The following KLHL18 variants were observed in gnomAD, a reference collection of about 807,000 sequenced individuals.
The protein encoded by KLHL18 is kelch-like protein 18.
In KLHL18, 38 loss-of-function variants were observed where a neutral mutation model predicts 58.5. The ratio of observed to expected loss-of-function variants is 0.65; its 90% confidence interval spans 0.50 to 0.85. KLHL18 has a LOEUF of 0.85. Among genes scored for constraint, KLHL18 ranks in the 40% least tolerant of loss-of-function variants. KLHL18 has a pLI of 0.00. For missense variants in KLHL18, 624 were observed against 778.4 expected, an observed-to-expected ratio of 0.80 and a Z score of 2.36; for synonymous variants, 303 against 301.9, an observed-to-expected ratio of 1.00 and a Z score of -0.04.
chr3:47,319,571 A>C (rs889188033), intron 1 of KLHL18, 82 bp from the exon 2 acceptor site: 49 of 1,486,992 alleles, frequency 3.3e-5, no homozygotes, highest in Admixed American at 1.7e-4. Context: ...AGCCGGGCGG[A>C]GGGGCAGGGT....
intron 1 of KLHL18, among the ~76,000 whole-genome samples, chr3:47,313,867 C>T (rs1703362520): frequency 6.6e-6 from 1 of 152,118 alleles, no homozygotes; most frequent in South Asian, 2.1e-4. Flanking sequence ...TACTTAACTT[C>T]CAAATCTTGG....
Position 47,319,680 on chromosome 3 carries a change from C to T in KLHL18, c.157C>T (p.Arg53Trp), listed in dbSNP as rs1703539303. The change falls in exon 2 of 10, where the codon CGG becomes TGG. Residue 53 changes from arginine to tryptophan, a missense_variant. Coordinates refer to ENST00000232766, the MANE Select transcript of KLHL18 (RefSeq NM_025010.5). ...KIGDHKFSAHRIVLAASIPYF... is the reference protein window; with the variant it reads ...KIGDHKFSAHWIVLAASIPYF... The stretch of plus-strand genomic sequence containing the variant: ...TGGGGACCACAAATTCAGTGCCCAC[C>T]GGATTGTCTTAGCAGCCTCGATCCC... The T allele has an allele frequency of 1.9e-6, 3 of 1,613,744 alleles. No homozygotes were observed. The highest frequency in any genetic ancestry group is 1.1e-5 in the South Asian group (1 of 91,066).
At position 47,344,751 on chromosome 3, in the gene KLHL18, C is replaced by G. The variant is rs923695615; in HGVS notation, c.*810C>G. The G allele has an allele frequency of 2.0e-5, 3 of 152,614 alleles. No individual in the cohort carries two copies. The highest frequency in any genetic ancestry group is 7.2e-5 in the African/African-American group (3 of 41,440). 9.5% of individuals were successfully genotyped at this position (152,614 alleles called of 1,614,324 possible). On this transcript the variant is annotated 3_prime_UTR_variant, in exon 10 of 10. Transcript: ENST00000232766. ...AATCTATGTTTAAATGGAAAATCGT[C>G]TAACTGGAGAAGGGCGGTATCCACC...
At chr3:47,305,694 T>G (rs1703130809) in intron 1 of KLHL18, among the ~76,000 whole-genome samples, 1 of 152,182 alleles carries the variant, frequency 6.6e-6, no homozygotes, top group African/African-American at 2.4e-5. Context: ...TAATTCTATT[T>G]TAAACATTTG....
At position 47,343,725 on chromosome 3, in the gene KLHL18, G is replaced by C. The variant is rs1215874076; in HGVS notation, c.1509G>C (p.Gln503His). 1 of 1,614,218 alleles carries C rather than the reference G, an allele frequency of 6.2e-7. No individual in the cohort carries two copies. Among genetic ancestry groups the C allele is most frequent in the South Asian group, 1.1e-5 (1 of 91,088 alleles). ...AGATGTACAGCTCTGTGGCAGACCA[G>C]TGGTGCCTGATTGTCCCCATGCACA... Reference protein sequence around the residue: ...IAEMYSSVADQWCLIVPMHTR... With the variant: ...IAEMYSSVADHWCLIVPMHTR... Residue 503 changes from glutamine to histidine, a missense_variant, in exon 10 of 10, where the codon CAG becomes CAC. Transcript: ENST00000232766.
At chr3:47,284,674 C>A (rs1702632238) in intron 1 of KLHL18, among the ~76,000 whole-genome samples, 1 of 152,160 alleles carries the variant, frequency 6.6e-6, no homozygotes, top group Non-Finnish European at 1.5e-5. Flanking sequence ...GGAAACTTTT[C>A]TTCTGCAACA....
chr3:47,292,684 T>C (rs1258676459), intron 1 of KLHL18, among the ~76,000 whole-genome samples: 1 of 151,968 alleles, frequency 6.6e-6, no homozygotes, highest in African/African-American at 2.4e-5. Context: ...GGCAGGCAGA[T>C]GGCATGAACC....
At chr3:47,316,217 C>G (rs1329595954) in intron 1 of KLHL18, among the ~76,000 whole-genome samples, 1 of 151,904 alleles carries the variant, frequency 6.6e-6, no homozygotes, top group Non-Finnish European at 1.5e-5. Flanking sequence ...TACCAAGATA[C>G]AATACTGTGA....
At chr3:47,291,631 C>T (rs773284776) in intron 1 of KLHL18, among the ~76,000 whole-genome samples, 9 of 152,168 alleles carry the variant, frequency 5.9e-5, no homozygotes, top group Admixed American at 1.3e-4. Context: ...GAGCTGAATC[C>T]GTTGCCTATA....
At chr3:47,313,993 A>G (rs1217065185) in intron 1 of KLHL18, among the ~76,000 whole-genome samples, 1 of 152,258 alleles carries the variant, frequency 6.6e-6, no homozygotes, top group Non-Finnish European at 1.5e-5. Context: ...GGCATACAAA[A>G]GGAGCTCAAT....
chr3:47,308,563 G>GT (rs1466856682), intron 1 of KLHL18, among the ~76,000 whole-genome samples: 4 of 152,172 alleles, frequency 2.6e-5, no homozygotes. Flanking sequence ...GCTAATTTTT[G>GT]TATTTTTAGT....
At chr3:47,324,771 A>G (rs1012302385) in intron 3 of KLHL18, among the ~76,000 whole-genome samples, 1 of 152,168 alleles carries the variant, frequency 6.6e-6, no homozygotes, top group Admixed American at 6.5e-5. Context: ...CAGGAGCCCA[A>G]GGCTGCAGTG....
rs1703114628 is a variant in KLHL18, at chr3:47,305,188, T to G, written c.130-14465T>G. Among the ~76,000 whole-genome samples the G allele has an allele frequency of 3.3e-5, 5 of 152,220 alleles. No homozygotes were observed. The South Asian group carries it at 1.0e-3, about 32-fold the overall frequency. On this transcript the variant is annotated intron_variant, in intron 1 of 9. Coordinates refer to ENST00000232766, the MANE Select transcript of KLHL18 (RefSeq NM_025010.5). The stretch of plus-strand genomic sequence containing the variant: ...AATAGCAGTGGTAAGAGTCTTGCCT[T>G]GTTCAGCATCTTAGGGGTGAGCGTT...
chr3:47,340,437 A>G (rs1704082040), intron 7 of KLHL18, 135 bp from the exon 8 acceptor site: 13 of 1,318,612 alleles, frequency 9.9e-6, no homozygotes, highest in Non-Finnish European at 1.3e-5. Context: ...CCTCAGTTTT[A>G]TGCCTTTACT....
At chr3:47,314,451 G>A (rs1405581953) in intron 1 of KLHL18, among the ~76,000 whole-genome samples, 7 of 151,966 alleles carry the variant, frequency 4.6e-5, no homozygotes, top group Non-Finnish European at 4.4e-5. Flanking sequence ...ACCCCGCTAA[G>A]TGTTCTTAGC....
At chr3:47,335,756 C>T (rs777931270) in intron 6 of KLHL18, among the ~76,000 whole-genome samples, 5 of 152,158 alleles carry the variant, frequency 3.3e-5, no homozygotes, top group Non-Finnish European at 5.9e-5. Flanking sequence ...GATCTGCCCA[C>T]CTTGGCCTCC....
chr3:47,298,761 G>T (rs1447303075), intron 1 of KLHL18, among the ~76,000 whole-genome samples: 1 of 152,044 alleles, frequency 6.6e-6, no homozygotes, highest in Admixed American at 6.5e-5. Context: ...TGAATTTGTT[G>T]TCTCTCATTT....
At chr3:47,335,214 A>G (rs754508180) in intron 6 of KLHL18, among the ~76,000 whole-genome samples, 2 of 152,202 alleles carry the variant, frequency 1.3e-5, no homozygotes, top group African/African-American at 2.4e-5. Context: ...CCCGGATAGG[A>G]TACAGTCAGA....
At chr3:47,307,642 G>A (rs1035208098) in intron 1 of KLHL18, among the ~76,000 whole-genome samples, 13 of 149,490 alleles carry the variant, frequency 8.7e-5, no homozygotes, top group Admixed American at 5.3e-4. Flanking sequence ...CTCCCACCTC[G>A]GCCTCCCAAA....
Sources: allele counts gnomAD v4.1 joint callset (sites outside exome capture counted in the v4.1 genomes callset), GRCh38; gene constraint gnomAD v4.1.1; transcripts MANE v1.5; gene names NCBI Gene and HGNC (gene_info 2026-07-23, HGNC 2026-07-21).